GRM5: variants seen among roughly 807,000 people sequenced by gnomAD.
GRM5 encodes the protein glutamate metabotropic receptor 5.
A neutral mutation model predicts 83.1 loss-of-function variants in GRM5; 19 were observed. The observed-to-expected ratio is 0.23, with a 90% CI of 0.16 to 0.34. The LOEUF (loss-of-function observed/expected upper bound fraction) is 0.34. Among genes scored for constraint, GRM5 ranks in the 10% least tolerant of loss-of-function variants. The probability of loss-of-function intolerance (pLI) is 1.00; values close to 1 mark genes in which losing one functional copy is unlikely to be tolerated. For missense variants in GRM5, 1,160 were observed against 1,588.3 expected, an observed-to-expected ratio of 0.73 and a Z score of 4.58; for synonymous variants, 675 against 633.6, an observed-to-expected ratio of 1.07 and a Z score of -0.98.
At chr11:88,852,314 T>C (rs956779878) in intron 2 of GRM5, among the ~76,000 whole-genome samples, 10 of 152,190 alleles carry the variant, frequency 6.6e-5, no homozygotes, top group African/African-American at 2.4e-4. Flanking sequence ...TCAATTTATA[T>C]AGTCTTTTTA....
At chr11:88,643,102 T>G (rs147791120) in intron 4 of GRM5, among the ~76,000 whole-genome samples, 1 of 150,758 alleles carries the variant, frequency 6.6e-6, no homozygotes, top group Non-Finnish European at 1.5e-5. Context: ...GAAAAAAATG[T>G]TTAATTGGCT....
intron 9 of GRM5, among the ~76,000 whole-genome samples, chr11:88,510,319 C>T (rs1941329845): frequency 6.6e-6 from 1 of 152,118 alleles, no homozygotes; most frequent in Admixed American, 6.5e-5. Flanking sequence ...TTTTTGAAGG[C>T]CTTTCTCTCT....
chr11:88,791,285 A>G (rs2135475006), intron 3 of GRM5, among the ~76,000 whole-genome samples: 1 of 152,304 alleles, frequency 6.6e-6, no homozygotes, highest in East Asian at 1.9e-4. Flanking sequence ...TGGAAATGTC[A>G]TATAAGCAGC....
chr11:88,627,791 TAATAA>T (rs1460519416), intron 4 of GRM5, among the ~76,000 whole-genome samples: 1 of 152,122 alleles, frequency 6.6e-6, no homozygotes, highest in African/African-American at 2.4e-5. Context: ...CCCAGCAGCT[TAATAA>T]AATAAAGGTA....
At position 89,005,820 on chromosome 11, in the gene GRM5, T is replaced by C. The variant is rs557246245; in HGVS notation, c.661+41392A>G. Among the ~76,000 whole-genome samples the C allele has an allele frequency of 1.8e-4, 27 of 152,322 alleles. 1 individual carries two copies. The South Asian group carries it at 3.7e-3, about 21-fold the overall frequency. On this transcript the variant is annotated intron_variant, in intron 2 of 9. Coordinates refer to ENST00000305447, the MANE Select transcript of GRM5 (RefSeq NM_001143831.3). The stretch of plus-strand genomic sequence containing the variant: ...TTTAAATGGTTATCACAAGCATTCA[T>C]TTAATTTAAATTTTGTTGCTCACCT...
chr11:88,928,494 A>ATTTATG (rs573997429), intron 2 of GRM5, among the ~76,000 whole-genome samples: 1 of 98,810 alleles, frequency 1.0e-5, no homozygotes. Flanking sequence ...GTATATATGT[A>ATTTATG]TATATATATA....
intron 3 of GRM5, among the ~76,000 whole-genome samples, chr11:88,803,977 C>T (rs1943450427): frequency 6.6e-6 from 1 of 151,242 alleles, no homozygotes; most frequent in South Asian, 2.1e-4. Flanking sequence ...AAATCAAAAC[C>T]ACAATGAGAT....
chr11:88,789,243 A>G (rs1223915754), intron 3 of GRM5, among the ~76,000 whole-genome samples: 2 of 152,154 alleles, frequency 1.3e-5, no homozygotes, highest in Admixed American at 6.6e-5. Flanking sequence ...TGACAGGTGA[A>G]TGGCAATCCA....
chr11:88,595,743 C>G (rs1216692040), intron 6 of GRM5, among the ~76,000 whole-genome samples: 2 of 152,132 alleles, frequency 1.3e-5, no homozygotes. Context: ...TGTTCCTCTT[C>G]TTTGACCTTT....
intron 4 of GRM5, among the ~76,000 whole-genome samples, chr11:88,627,840 C>T (rs985266584): frequency 6.6e-6 from 1 of 152,104 alleles, no homozygotes; most frequent in Non-Finnish European, 1.5e-5. Context: ...CTGAATTATA[C>T]TGTCAGATTA....
At chr11:88,805,687 TAGAG>T (rs1333503895) in intron 3 of GRM5, among the ~76,000 whole-genome samples, 3 of 152,160 alleles carry the variant, frequency 2.0e-5, no homozygotes, top group African/African-American at 4.8e-5. Context: ...TCTAAAGACT[TAGAG>T]AGTATGTCTT....
chr11:88,715,495 A>C (rs2135388737), intron 3 of GRM5, among the ~76,000 whole-genome samples: 1 of 152,108 alleles, frequency 6.6e-6, no homozygotes, highest in African/African-American at 2.4e-5. Context: ...TTATCTATGA[A>C]GCAGGCAGAG....
Position 88,878,243 on chromosome 11 carries a change from G to A in GRM5, c.662-28088C>T, listed in dbSNP as rs545499792. ...CATGCACCAGTTGCCAATCCCTGGA[G>A]AAGACTCCAAATATTTCTGCCCATT... On this transcript the variant is annotated intron_variant, in intron 2 of 9. Coordinates refer to ENST00000305447, the MANE Select transcript of GRM5 (RefSeq NM_001143831.3). 1.5e-3 allele frequency among the ~76,000 whole-genome samples: 234 copies of A among 152,278 alleles called. 1 individual carries two copies. Among genetic ancestry groups the A allele is most frequent in the Middle Eastern group, 3.4e-3 (1 of 294 alleles).
chr11:88,725,965 C>A (rs771883349), intron 3 of GRM5, among the ~76,000 whole-genome samples: 1 of 152,092 alleles, frequency 6.6e-6, no homozygotes, highest in Admixed American at 6.6e-5. Flanking sequence ...TTCCAAGAAC[C>A]AGACTGCCTC....
At chr11:88,619,873 T>G (rs1013334399) in intron 4 of GRM5, among the ~76,000 whole-genome samples, 1 of 152,020 alleles carries the variant, frequency 6.6e-6, no homozygotes, top group Non-Finnish European at 1.5e-5. Flanking sequence ...TGATTATACA[T>G]CTGGAAAACA....
intron 2 of GRM5, among the ~76,000 whole-genome samples, chr11:88,940,769 T>A (rs1938063334): frequency 6.6e-6 from 1 of 152,026 alleles, no homozygotes; most frequent in Non-Finnish European, 1.5e-5. Context: ...ATTCTGAAGC[T>A]ACTCTGAGTA....
rs900945021 is a variant in GRM5, at chr11:88,677,991, T to TA, written c.912-24589dup. 1.3e-3 allele frequency among the ~76,000 whole-genome samples: 193 copies of TA among 152,210 alleles called. 11 individuals carry two copies. Among genetic ancestry groups the TA allele is most frequent in the Middle Eastern group, 6.8e-3 (2 of 292 alleles). On this transcript the variant is annotated intron_variant, in intron 3 of 9. Coordinates refer to ENST00000305447, the MANE Select transcript of GRM5 (RefSeq NM_001143831.3). ...GATAGTATTGAAAATTGACTTAAAT[T>TA]AAAATCACAATATATAAAGTGGAAT...
chr11:88,996,747 T>A (rs773996708), intron 2 of GRM5, among the ~76,000 whole-genome samples: 8 of 152,098 alleles, frequency 5.3e-5, no homozygotes, highest in Non-Finnish European at 8.8e-5. Context: ...TACACTAAGA[T>A]AGAAAACAAA....
At chr11:88,796,899 CGTGTGTGTGTGTGTGTGTGTGTGT>C (rs36203408) in intron 3 of GRM5, among the ~76,000 whole-genome samples, 1 of 143,470 alleles carries the variant, frequency 7.0e-6, no homozygotes, top group African/African-American at 2.5e-5. Context: ...CACACACACA[CGTGTGTGTGTGTGTGTGTGTGTGT>C]GTGTGTGTGT....
Sources: gnomAD v4.1 joint callset for allele counts (sites outside exome capture counted in the v4.1 genomes callset) on GRCh38, gnomAD v4.1.1 for gene constraint, MANE v1.5 for transcripts, NCBI Gene and HGNC (gene_info 2026-07-23, HGNC 2026-07-21) for gene names.